The following EPHA5 variants were observed in gnomAD, a reference collection of about 807,000 sequenced individuals.
The protein encoded by EPHA5 is ephrin type-A receptor 5.
EPHA5 carries 60 observed loss-of-function variants against 105.0 expected under a neutral mutation model. The ratio of observed to expected loss-of-function variants is 0.57; its 90% CI spans 0.46 to 0.71. The LOEUF (loss-of-function observed/expected upper bound fraction) is 0.71, where lower values mean the gene tolerates loss of function less well. EPHA5 is among the 30% of genes least tolerant of loss of function. The pLI is 0.00. For synonymous variants in EPHA5, 513 were observed against 449.1 expected, an observed-to-expected ratio of 1.14 and a Z score of -1.80; for missense variants, 1,218 against 1,274.7, an observed-to-expected ratio of 0.96 and a Z score of 0.68.
Position 65,444,124 on chromosome 4 carries a change from T to C in EPHA5, c.1403-23559A>G, listed in dbSNP as rs1459492058. On this transcript the variant is annotated intron_variant, in intron 5 of 16. Transcript: ENST00000613740. Reference sequence around the variant, plus strand: ...GTTGCTACCAAGTAATTAGGCTACATGTTTTCATTAAAACTGTTTTACTTT... The same window carrying C: ...GTTGCTACCAAGTAATTAGGCTACACGTTTTCATTAAAACTGTTTTACTTT... 3.3e-5 allele frequency among the ~76,000 whole-genome samples: 5 copies of C among 152,186 alleles called. No individual in the cohort carries two copies. In the East Asian group the frequency reaches 7.7e-4, roughly 24 times the overall value.
Position 65,602,102 on chromosome 4 carries a change from G to A in EPHA5, c.449C>T (p.Thr150Ile), listed in dbSNP as rs2149440614. 6.2e-7 allele frequency: 1 copy of A among 1,614,008 alleles called. No individual in the cohort carries two copies. Among genetic ancestry groups the A allele is most frequent in the Non-Finnish European group, 8.5e-7 (1 of 1,179,980 alleles). Reference sequence around the variant, plus strand: ...TGACTCAAAGTAATACATATTAAAGGTTTCCTTACAGGTCCCCAGTCCTCC... The same window carrying A: ...TGACTCAAAGTAATACATATTAAAGATTTCCTTACAGGTCCCCAGTCCTCC... ...LPGGLGTCKE[T>I]FNMYYFESDD... The change falls in exon 3 of 17, where the codon ACC becomes ATC. Residue 150 changes from threonine to isoleucine, a missense_variant. Coordinates refer to ENST00000613740, the MANE Select transcript of EPHA5 (RefSeq NM_001281766.3).
chr4:65,548,325 A>C (rs2149334883), intron 3 of EPHA5, among the ~76,000 whole-genome samples: 1 of 150,572 alleles, frequency 6.6e-6, no homozygotes, highest in African/African-American at 2.4e-5. Flanking sequence ...GATTAGATAA[A>C]GTAGGAGAGT....
chr4:65,548,960 T>C (rs1737639758), intron 3 of EPHA5, among the ~76,000 whole-genome samples: 1 of 152,156 alleles, frequency 6.6e-6, no homozygotes, highest in East Asian at 1.9e-4. Context: ...ATAAAATTAT[T>C]TGCCTCTAAC....
At chr4:65,558,290 C>G (rs1186800661) in intron 3 of EPHA5, among the ~76,000 whole-genome samples, 1 of 152,106 alleles carries the variant, frequency 6.6e-6, no homozygotes, top group African/African-American at 2.4e-5. Flanking sequence ...ACAGATCACA[C>G]TTGCATCAAG....
At chr4:65,635,611 G>A (rs1747049692) in intron 2 of EPHA5, among the ~76,000 whole-genome samples, 1 of 151,982 alleles carries the variant, frequency 6.6e-6, no homozygotes, top group African/African-American at 2.4e-5. Context: ...AAAAAAAAGA[G>A]CAATAGTGGA....
At chr4:65,385,649 T>C (rs1720005722) in intron 8 of EPHA5, among the ~76,000 whole-genome samples, 1 of 151,884 alleles carries the variant, frequency 6.6e-6, no homozygotes. Context: ...TGGTGATAAA[T>C]GTGAAATATT....
At chr4:65,327,187 T>C (rs1720164199) in intron 16 of EPHA5, among the ~76,000 whole-genome samples, 1 of 151,302 alleles carries the variant, frequency 6.6e-6, no homozygotes, top group African/African-American at 2.4e-5. Flanking sequence ...ATTTGATTAA[T>C]AAATGTGGGT....
chr4:65,574,097 T>C, intron 3 of EPHA5: 4 of 1,608,438 alleles, frequency 2.5e-6, no homozygotes, highest in Admixed American at 1.7e-5. Flanking sequence ...CAAAACATCT[T>C]ACTGATGCTT....
chr4:65,513,460 C>T (rs983686220), intron 3 of EPHA5, among the ~76,000 whole-genome samples: 2 of 152,072 alleles, frequency 1.3e-5, no homozygotes, highest in Non-Finnish European at 2.9e-5. Flanking sequence ...AATCTTGGCT[C>T]ACTTCAACCT....
At chr4:65,564,956 G>A (rs368911395) in intron 3 of EPHA5, among the ~76,000 whole-genome samples, 1 of 151,558 alleles carries the variant, frequency 6.6e-6, no homozygotes. Flanking sequence ...CATCCAGAAA[G>A]AAATCTTATA....
At chr4:65,382,102 T>G (rs1560475314) in intron 8 of EPHA5, among the ~76,000 whole-genome samples, 1 of 151,806 alleles carries the variant, frequency 6.6e-6, no homozygotes, top group Non-Finnish European at 1.5e-5. Context: ...GTGTCTCCTG[T>G]GCGGCCATTC....
intron 3 of EPHA5, among the ~76,000 whole-genome samples, chr4:65,564,141 G>A (rs1739295800): frequency 2.0e-5 from 3 of 151,768 alleles, no homozygotes; most frequent in Admixed American, 6.6e-5. Context: ...ATTTCACCCT[G>A]TATTTCTGTA....
chr4:65,452,068 T>C (rs1005534839), intron 5 of EPHA5, among the ~76,000 whole-genome samples: 2 of 152,198 alleles, frequency 1.3e-5, no homozygotes, highest in Admixed American at 1.3e-4. Context: ...AGTAAATATT[T>C]TTAAATCATC....
At chr4:65,643,273 T>A (rs1747824348) in intron 2 of EPHA5, 90 bp downstream of exon 2, 2 of 1,033,674 alleles carry the variant, frequency 1.9e-6, no homozygotes, top group Admixed American at 3.6e-5. Flanking sequence ...TAACAACATA[T>A]ACATCCAGTA....
chr4:65,482,036 G>T (rs1472081138), intron 5 of EPHA5, among the ~76,000 whole-genome samples: 1 of 152,174 alleles, frequency 6.6e-6, no homozygotes, highest in Non-Finnish European at 1.5e-5. Context: ...AGTGGCTCAT[G>T]CCTGTAATCC....
At chr4:65,465,554 G>A (rs373812353) in intron 5 of EPHA5, among the ~76,000 whole-genome samples, 5,672 of 98,066 alleles carry the variant, frequency 0.058, 186 homozygotes, top group Admixed American at 0.082. Flanking sequence ...AGGAAAGGAA[G>A]GAAAGGAAGG....
rs1227548157 is a variant in EPHA5, at chr4:65,322,838, G to T, written c.*1276C>A. The stretch of plus-strand genomic sequence containing the variant: ...AGCATATATATATATTTGTGTGTGT[G>T]TATGTGTATATATATATATTTGTCA... On this transcript the variant is annotated 3_prime_UTR_variant, in exon 17 of 17. Coordinates refer to ENST00000613740, the MANE Select transcript of EPHA5 (RefSeq NM_001281766.3). 2.2e-5 allele frequency: 5 copies of T among 228,716 alleles called. No homozygotes were observed. In the South Asian group the frequency reaches 5.5e-4, roughly 25 times the overall value. The allele number at this position is 228,716 out of a possible 1,614,324, so 14.2% of individuals were successfully genotyped here.
intron 3 of EPHA5, among the ~76,000 whole-genome samples, chr4:65,559,481 T>C (rs1411729586): frequency 6.6e-6 from 1 of 152,158 alleles, no homozygotes; most frequent in Non-Finnish European, 1.5e-5. Context: ...GGAAATCATT[T>C]GTTTCAGGAA....
chr4:65,595,940 C>T (rs575668261), intron 3 of EPHA5, among the ~76,000 whole-genome samples: 49 of 152,246 alleles, frequency 3.2e-4, no homozygotes, highest in African/African-American at 1.2e-3. Context: ...GATTCAGCAA[C>T]TTGCATGGGG....
Sources: gnomAD v4.1 joint callset for allele counts (sites outside exome capture counted in the v4.1 genomes callset) on GRCh38, gnomAD v4.1.1 for gene constraint, MANE v1.5 for transcripts, NCBI Gene and HGNC (gene_info 2026-07-23, HGNC 2026-07-21) for gene names.